UFL1: variants seen among roughly 807,000 people sequenced by gnomAD.
UFL1 encodes E3 UFM1-protein ligase 1.
In UFL1, 78 loss-of-function variants were observed where a neutral mutation model predicts 99.3. The observed-to-expected ratio is 0.79, with a 90% confidence interval of 0.65 to 0.95. The LOEUF (loss-of-function observed/expected upper bound fraction) is 0.95. Ranked by LOEUF, UFL1 falls within the 40% of genes least tolerant of loss-of-function variation. The pLI is 0.00. For missense variants in UFL1, 936 were observed against 937.0 expected (o/e 1.00, Z 0.01); for synonymous variants, 335 against 322.2 (o/e 1.04, Z -0.42).
chr6:96,526,993 ACAGT>A (rs1769713181), intron 5 of UFL1, among the ~76,000 whole-genome samples: 12 of 152,194 alleles, frequency 7.9e-5, no homozygotes, highest in Admixed American at 7.9e-4. Flanking sequence ...CCTCTTCTAA[ACAGT>A]CAGTATGATA....
intron 15 of UFL1, 67 bp from the exon 16 acceptor site, chr6:96,551,364 TTC>T (rs1285420132): frequency 2.4e-6 from 2 of 828,826 alleles, no homozygotes; most frequent in Admixed American, 2.9e-5. Flanking sequence ...CAGTATTTTT[TTC>T]ACTTTATCTT....
At position 96,523,311 on chromosome 6, in the gene UFL1, T is replaced by C; in HGVS notation, c.223+20T>C. The C allele has an allele frequency of 6.5e-7, 1 of 1,540,394 alleles. No individual in the cohort carries two copies. On this transcript the variant is annotated intron_variant, in intron 2 of 18. Transcript: ENST00000369278. The stretch of plus-strand genomic sequence containing the variant: ...GAGGTGGTAGGTAATTCTTTAGTGT[T>C]TTTTTTTTTCTTGGATTTTTGGAAG...
chr6:96,536,464 C>T (rs552426778), intron 8 of UFL1, 74 bp downstream of exon 8: 1 of 1,115,902 alleles, frequency 9.0e-7, no homozygotes, highest in Non-Finnish European at 1.2e-6. Context: ...ATTATACTAA[C>T]CCTAGAGTCC....
Position 96,523,139 on chromosome 6 carries a change from C to G in UFL1, c.78-7C>G. On this transcript the variant is annotated splice_region_variant and splice_polypyrimidine_tract_variant and intron_variant, in intron 1 of 18. Transcript: ENST00000369278. ...ACTTTTGAAACAACTTTTTTTCTTTCCCTCAGGTTGTCCGAGCGGAACTGC... is the reference window on the plus strand; with the variant it reads ...ACTTTTGAAACAACTTTTTTTCTTTGCCTCAGGTTGTCCGAGCGGAACTGC... The G allele has an allele frequency of 6.3e-7, 1 of 1,592,998 alleles. No homozygotes were observed. Among genetic ancestry groups the G allele is most frequent in the Non-Finnish European group, 8.5e-7 (1 of 1,171,474 alleles).
rs192562878 is a variant in UFL1 at position 96,537,513 on chromosome 6, A to C, written c.942A>C (p.Glu314Asp). The C allele has an allele frequency of 3.7e-5, 59 of 1,606,166 alleles. No individual in the cohort carries two copies. The highest frequency in any genetic ancestry group is 4.4e-5 in the Non-Finnish European group (52 of 1,176,698). The change falls in exon 9 of 19, where the codon GAA becomes GAC. Residue 314 changes from glutamate to aspartate, a missense_variant. Physicochemically the swap from Glu to Asp is conservative, Grantham distance 45 (BLOSUM62 2). Coordinates refer to ENST00000369278, the MANE Select transcript of UFL1 (RefSeq NM_015323.5). ...TGGATCAAGTGGAAGCATCAGTAGA[A>C]GAAGCCATCAGCTCTGGAACATGGG... ...GLVDQVEASVEEAISSGTWVD... is the reference protein window; with the variant it reads ...GLVDQVEASVDEAISSGTWVD...
Position 96,553,455 on chromosome 6 carries a change from T to G in UFL1, c.2337T>G (p.Ile779Met), listed in dbSNP as rs755381213. The G allele has an allele frequency of 6.2e-7, 1 of 1,613,682 alleles. No individual in the cohort carries two copies. Among genetic ancestry groups the G allele is most frequent in the Admixed American group, 1.7e-5 (1 of 59,976 alleles). ...AGCTTCAAGAACTTTCTTCATCCAT[T>G]AAAGACCTTGTTCTCAAATCTAGGA... ...RKELQELSSS[I>M]KDLVLKSRKS... Residue 779 changes from isoleucine to methionine, a missense_variant, in exon 19 of 19, where the codon ATT (isoleucine) becomes ATG (methionine). Transcript: ENST00000369278.
Position 96,551,471 on chromosome 6 carries a change from C to A in UFL1, c.1857C>A (p.Thr619=). 2.0e-6 allele frequency: 3 copies of A among 1,533,858 alleles called. No individual in the cohort carries two copies. The highest frequency in any genetic ancestry group is 1.2e-5 in the South Asian group (1 of 81,154). ...KKILSKLSEE[T]KVALTKLHNS... is the part of the protein sequence containing the mutation. ...TTTTAAGTAAATTATCAGAAGAAACCAAAGTAGCTCTTACAAAACTCCATA... is the reference window on the plus strand; with the variant it reads ...TTTTAAGTAAATTATCAGAAGAAACAAAAGTAGCTCTTACAAAACTCCATA... Residue 619 remains threonine (T), a synonymous_variant, in exon 16 of 19, where the codon ACC becomes ACA. Coordinates refer to ENST00000369278, the MANE Select transcript of UFL1 (RefSeq NM_015323.5).
rs527768047 is a variant in UFL1 at position 96,549,637 on chromosome 6, A to G, written c.1688-32A>G. On this transcript the variant is annotated intron_variant, in intron 14 of 18. Transcript: ENST00000369278. ...TTGATTTTCATAATTTGGGGAATAAATTAGTTTTAATAAAGGTCCTTTATT... is the reference window on the plus strand; with the variant it reads ...TTGATTTTCATAATTTGGGGAATAAGTTAGTTTTAATAAAGGTCCTTTATT... 1.9e-6 allele frequency: 3 copies of G among 1,592,314 alleles called. No homozygotes were observed. The East Asian group carries it at 6.7e-5, about 36-fold the overall frequency.
At chr6:96,522,353 A>G (rs1582434923) in intron 1 of UFL1, among the ~76,000 whole-genome samples, 1 of 152,222 alleles carries the variant, frequency 6.6e-6, no homozygotes, top group East Asian at 1.9e-4. Flanking sequence ...CCCCGCCCCC[A>G]GTACAGTACT....
At chr6:96,544,996 T>A (rs1405229792) in intron 12 of UFL1, among the ~76,000 whole-genome samples, 1 of 150,934 alleles carries the variant, frequency 6.6e-6, no homozygotes, top group African/African-American at 2.4e-5. Context: ...AAATATAGGA[T>A]CAACTCAGTA....
At chr6:96,539,268 T>A (rs1769898695) in intron 10 of UFL1, among the ~76,000 whole-genome samples, 1 of 151,628 alleles carries the variant, frequency 6.6e-6, no homozygotes, top group Non-Finnish European at 1.5e-5. Flanking sequence ...ATTTATTAGT[T>A]CCTCAGAGCA....
At position 96,548,456 on chromosome 6, in the gene UFL1, A is replaced by G. The variant is rs369037340; in HGVS notation, c.1520+175A>G. On this transcript the variant is annotated intron_variant, in intron 13 of 18. Transcript: ENST00000369278. ...TTGCCTACAGTGGCAGTTTAATTCA[A>G]CAAATATTTGTTAGGTGCTTTGGGT... is the stretch of plus-strand genomic sequence containing the variant. Among the ~76,000 whole-genome samples the G allele has an allele frequency of 1.6e-3, 240 of 151,756 alleles. 7 individuals are homozygous for G. In the South Asian group the frequency reaches 0.048, roughly 31 times the overall value.
chr6:96,553,558 G>A lies in UFL1; in HGVS notation c.*55G>A. 2 of 1,523,292 alleles carry A rather than the reference G, an allele frequency of 1.3e-6. No individual in the cohort carries two copies. Among genetic ancestry groups the A allele is most frequent in the South Asian group, 1.2e-5 (1 of 81,860 alleles). 94.4% of individuals were successfully genotyped at this position (1,523,292 alleles called of 1,614,324 possible). ...AGCATTTTCCCCCAAGGTTGAAGGT[G>A]AGTGGTCACAAAAAAGTAGTCACTA... On this transcript the variant is annotated 3_prime_UTR_variant, in exon 19 of 19. Transcript: ENST00000369278.
At chr6:96,533,920 A>G (rs972568171) in intron 6 of UFL1, among the ~76,000 whole-genome samples, 3 of 151,962 alleles carry the variant, frequency 2.0e-5, no homozygotes, top group Non-Finnish European at 4.4e-5. Context: ...ATGGAATCAT[A>G]TGACATCCAC....
In UFL1 at chr6:96,552,589, C is replaced by T. The variant is rs1360508217; in HGVS notation, c.2093C>T (p.Thr698Ile). The T allele has an allele frequency of 1.2e-6, 2 of 1,613,114 alleles. No individual in the cohort carries two copies. The highest frequency in any genetic ancestry group is 1.7e-6 in the Non-Finnish European group (2 of 1,179,718). ...TCAGTCCTGTTGTTTCAGTTTTCAACCCACAGCATGCTCCATGCACCTGGA... is the reference window on the plus strand; with the variant it reads ...TCAGTCCTGTTGTTTCAGTTTTCAATCCACAGCATGCTCCATGCACCTGGA... Reference protein sequence around the residue: ...LTSVLLFQFSTHSMLHAPGRC... With the variant: ...LTSVLLFQFSIHSMLHAPGRC... Residue 698 changes from threonine to isoleucine, a missense_variant, in exon 18 of 19, where the codon ACC (threonine) becomes ATC (isoleucine). Coordinates refer to ENST00000369278, the MANE Select transcript of UFL1 (RefSeq NM_015323.5).
chr6:96,536,198 T>C (rs994370089), intron 7 of UFL1, 46 bp from the exon 8 acceptor site: 4 of 1,543,614 alleles, frequency 2.6e-6, no homozygotes, highest in Non-Finnish European at 3.5e-6. Flanking sequence ...TTTTTAAGAT[T>C]TATACCTGGT....
At chr6:96,544,604 ACT>A (rs543142163) in intron 12 of UFL1, among the ~76,000 whole-genome samples, 33 of 151,122 alleles carry the variant, frequency 2.2e-4, no homozygotes, top group Non-Finnish European at 3.7e-4. Flanking sequence ...AGAAATAACT[ACT>A]GTTCTTCATG....
chr6:96,540,495 T>C (rs1271804550), intron 10 of UFL1, 40 bp from the exon 11 acceptor site: 4 of 1,576,148 alleles, frequency 2.5e-6, no homozygotes, highest in African/African-American at 2.8e-5. Flanking sequence ...TTGGAAATGC[T>C]ATGTGTTTTT....
intron 1 of UFL1, 136 bp from the exon 2 acceptor site, chr6:96,523,010 A>G: frequency 1.3e-6 from 1 of 780,142 alleles, no homozygotes; most frequent in Non-Finnish European, 1.9e-6. Context: ...CAGTTAGTGA[A>G]AAATACAGAT....
Sources: allele counts gnomAD v4.1 joint callset (sites outside exome capture counted in the v4.1 genomes callset), GRCh38; gene constraint gnomAD v4.1.1; transcripts MANE v1.5; gene names NCBI Gene and HGNC (gene_info 2026-07-23, HGNC 2026-07-21).